Variants in ADGRL3 observed in about 807,000 individuals in gnomAD.
The protein encoded by ADGRL3 is calcium-independent alpha-latrotoxin receptor 3.
In ADGRL3, 62 loss-of-function variants were observed where a neutral mutation model predicts 153.5. The ratio of observed to expected loss-of-function variants is 0.40; its 90% CI spans 0.33 to 0.50. ADGRL3 has a LOEUF of 0.50. Ranked by LOEUF, ADGRL3 falls within the 20% of genes least tolerant of loss-of-function variation. The pLI is 0.47. For missense variants in ADGRL3, 1,641 were observed against 1,859.4 expected (o/e 0.88, Z 2.16); for synonymous variants, 710 against 672.5 (o/e 1.06, Z -0.86).
chr4:62,069,659 AT>A (rs964324884), intron 26 of ADGRL3, among the ~76,000 whole-genome samples: 3 of 152,106 alleles, frequency 2.0e-5, no homozygotes, highest in Non-Finnish European at 2.9e-5. Context: ...TTATGTTAAT[AT>A]TATACCTATT....
At chr4:61,242,910 A>C (rs1450908929) in intron 1 of ADGRL3, among the ~76,000 whole-genome samples, 1 of 152,102 alleles carries the variant, frequency 6.6e-6, no homozygotes, top group Non-Finnish European at 1.5e-5. Flanking sequence ...TGTTTTATGC[A>C]AGGCGCTTTT....
At chr4:61,667,883 C>A (rs989806171) in intron 5 of ADGRL3, among the ~76,000 whole-genome samples, 2 of 152,108 alleles carry the variant, frequency 1.3e-5, no homozygotes, top group African/African-American at 4.8e-5. Flanking sequence ...CCACTTTAGC[C>A]ATGCTCCTTG....
rs536438631 is a variant in ADGRL3 at position 61,652,606 on chromosome 4, A to G, written c.474-24220A>G. 9.8e-5 allele frequency among the ~76,000 whole-genome samples: 15 copies of G among 152,340 alleles called. No individual in the cohort carries two copies. In the South Asian group the frequency reaches 2.1e-3, roughly 21 times the overall value. The stretch of plus-strand genomic sequence containing the variant: ...TCTGAAATATTAATAAATACATGCT[A>G]TACATACATCATCAGCCATATTATG... On this transcript the variant is annotated intron_variant, in intron 5 of 26. Transcript: ENST00000683033.
At chr4:61,977,374 G>A (rs538879588) in intron 17 of ADGRL3, among the ~76,000 whole-genome samples, 9 of 152,018 alleles carry the variant, frequency 5.9e-5, no homozygotes, top group Non-Finnish European at 1.0e-4. Flanking sequence ...AGAGCAAATA[G>A]CCCTCTATTC....
At chr4:62,028,982 C>T in intron 22 of ADGRL3, 101 bp downstream of exon 22, 1 of 992,528 alleles carries the variant, frequency 1.0e-6, no homozygotes, top group Non-Finnish European at 1.5e-6. Flanking sequence ...TTCTGTCATT[C>T]ACGTAGAGGC....
intron 17 of ADGRL3, among the ~76,000 whole-genome samples, chr4:61,948,954 T>A (rs1396492363): frequency 6.7e-6 from 1 of 149,138 alleles, no homozygotes; most frequent in Non-Finnish European, 1.5e-5. Flanking sequence ...TCAAGCAGGC[T>A]AACAGTGAAG....
chr4:61,588,767 T>C (rs2098957174), intron 5 of ADGRL3, among the ~76,000 whole-genome samples: 1 of 152,030 alleles, frequency 6.6e-6, no homozygotes, highest in Admixed American at 6.6e-5. Flanking sequence ...GATTATTTAG[T>C]TGTGTGTAGG....
chr4:62,060,369 C>A (rs553272748), intron 25 of ADGRL3, among the ~76,000 whole-genome samples: 1 of 151,792 alleles, frequency 6.6e-6, no homozygotes, highest in African/African-American at 2.4e-5. Context: ...AAGGGAAATA[C>A]GGAGAGATGC....
chr4:61,441,519 CTTTT>C (rs141891357), intron 2 of ADGRL3, among the ~76,000 whole-genome samples: 7 of 144,322 alleles, frequency 4.9e-5, no homozygotes, highest in Admixed American at 4.1e-4. Context: ...CCCTCTCACT[CTTTT>C]TTTTTTTTTT....
At chr4:61,912,675 G>A (rs776545171) in intron 12 of ADGRL3, 44 bp from the exon 13 acceptor site, 1 of 1,581,526 alleles carries the variant, frequency 6.3e-7, no homozygotes, top group East Asian at 2.2e-5. Context: ...TCACTAACTT[G>A]TTTTTTCTAT....
intron 4 of ADGRL3, among the ~76,000 whole-genome samples, chr4:61,521,899 A>G (rs1226292050): frequency 2.0e-5 from 3 of 152,028 alleles, no homozygotes; most frequent in Admixed American, 1.3e-4. Flanking sequence ...ACAAATCTGA[A>G]AAAAAAACTA....
intron 2 of ADGRL3, among the ~76,000 whole-genome samples, chr4:61,471,118 G>T (rs1203418983): frequency 6.6e-6 from 1 of 151,410 alleles, no homozygotes; most frequent in African/African-American, 2.4e-5. Context: ...TATTCCTTTG[G>T]AATTATTTCA....
chr4:61,975,050 G>A (rs1215472731), intron 17 of ADGRL3, among the ~76,000 whole-genome samples: 1 of 152,172 alleles, frequency 6.6e-6, no homozygotes, highest in Non-Finnish European at 1.5e-5. Context: ...TTCTCCAGGA[G>A]CTGGAGGATT....
chr4:61,671,579 C>G (rs4860423), intron 5 of ADGRL3, among the ~76,000 whole-genome samples: 1 of 151,882 alleles, frequency 6.6e-6, no homozygotes, highest in East Asian at 1.9e-4. Context: ...AAATATGCAT[C>G]ATATTATTAC....
intron 4 of ADGRL3, among the ~76,000 whole-genome samples, chr4:61,527,407 T>C (rs920781190): frequency 2.0e-5 from 3 of 152,140 alleles, no homozygotes; most frequent in African/African-American, 7.2e-5. Context: ...GAAACAGCTA[T>C]AGCAACATAG....
chr4:61,504,552 T>C (rs1265864489), intron 3 of ADGRL3, among the ~76,000 whole-genome samples: 1 of 152,186 alleles, frequency 6.6e-6, no homozygotes, highest in Non-Finnish European at 1.5e-5. Flanking sequence ...CAATAAATTA[T>C]TGTTGGTTAT....
chr4:61,465,647 A>G (rs1467801394), intron 2 of ADGRL3, among the ~76,000 whole-genome samples: 1 of 150,774 alleles, frequency 6.6e-6, no homozygotes, highest in African/African-American at 2.4e-5. Context: ...CTAAATGATA[A>G]GAATTTTGTC....
chr4:61,479,946 A>G (rs148657739), intron 2 of ADGRL3, among the ~76,000 whole-genome samples: 4 of 152,248 alleles, frequency 2.6e-5, no homozygotes, highest in Non-Finnish European at 4.4e-5. Flanking sequence ...TGATGCATGT[A>G]TGCATTGTGA....
At chr4:61,788,229 C>T (rs2097300385) in intron 8 of ADGRL3, among the ~76,000 whole-genome samples, 1 of 152,188 alleles carries the variant, frequency 6.6e-6, no homozygotes, top group Non-Finnish European at 1.5e-5. Flanking sequence ...GCAAGCACAA[C>T]CAGCATTAGT....
Sources: gnomAD v4.1 joint callset for allele counts (sites outside exome capture counted in the v4.1 genomes callset) on GRCh38, gnomAD v4.1.1 for gene constraint, MANE v1.5 for transcripts, NCBI Gene and HGNC (gene_info 2026-07-23, HGNC 2026-07-21) for gene names.